Variants in PRKD1 observed in about 807,000 individuals in gnomAD.
PRKD1 encodes protein kinase D1.
In PRKD1, 63 loss-of-function variants were observed where a neutral mutation model predicts 95.9. The ratio of observed to expected loss-of-function variants is 0.66; its 90% confidence interval spans 0.54 to 0.81. The LOEUF (loss-of-function observed/expected upper bound fraction) is 0.81, where lower values mean the gene tolerates loss of function less well. PRKD1 is among the 30% of genes least tolerant of loss of function. The probability of loss-of-function intolerance (pLI) is 0.00; values close to 1 mark genes in which losing one functional copy is unlikely to be tolerated. For synonymous variants in PRKD1, 425 were observed against 423.1 expected (o/e 1.00, Z -0.05); for missense variants, 1,048 against 1,165.3 (o/e 0.90, Z 1.47).
At chr14:29,655,541 G>A (rs1305053336) in intron 4 of PRKD1, among the ~76,000 whole-genome samples, 1 of 152,044 alleles carries the variant, frequency 6.6e-6, no homozygotes, top group Non-Finnish European at 1.5e-5. Flanking sequence ...ATTGACCAAG[G>A]TATAGAAATA....
chr14:29,754,660 T>C (rs1218336143), intron 1 of PRKD1, among the ~76,000 whole-genome samples: 2 of 152,100 alleles, frequency 1.3e-5, no homozygotes, highest in African/African-American at 4.8e-5. Context: ...TTCTAAGTCC[T>C]TTATTCAATC....
At chr14:29,893,177 T>C (rs780034584) in intron 1 of PRKD1, among the ~76,000 whole-genome samples, 1 of 152,142 alleles carries the variant, frequency 6.6e-6, no homozygotes, top group South Asian at 2.1e-4. Context: ...ATATTTTCAT[T>C]TTCTAGTAGA....
chr14:29,602,264 G>A (rs1437225881), intron 13 of PRKD1, among the ~76,000 whole-genome samples: 1 of 152,018 alleles, frequency 6.6e-6, no homozygotes, highest in Non-Finnish European at 1.5e-5. Context: ...GCCCAGGGAG[G>A]GCAGGGGTCA....
intron 1 of PRKD1, among the ~76,000 whole-genome samples, chr14:29,743,070 T>A (rs574316988): frequency 1.3e-5 from 2 of 152,278 alleles, no homozygotes; most frequent in South Asian, 4.1e-4. Flanking sequence ...ATCACAAGAC[T>A]ATAAAGGAGT....
intron 1 of PRKD1, chr14:29,811,812 A>T (rs1890496067): frequency 6.6e-6 from 1 of 152,150 alleles, no homozygotes; most frequent in Admixed American, 6.5e-5. Context: ...ACAAATATAA[A>T]ATCAAGGATT....
chr14:29,882,923 T>A (rs934563416), intron 1 of PRKD1, among the ~76,000 whole-genome samples: 1 of 152,224 alleles, frequency 6.6e-6, no homozygotes, highest in Non-Finnish European at 1.5e-5. Flanking sequence ...CAATGGAACT[T>A]GGGTTGCTTC....
In PRKD1 at chr14:29,624,856, T is replaced by G. The variant is rs1045256875; in HGVS notation, c.1799-598A>C. Among the ~76,000 whole-genome samples the G allele has an allele frequency of 2.0e-5, 3 of 152,224 alleles. 1 individual carries two copies. The highest frequency in any genetic ancestry group is 4.4e-5 in the Non-Finnish European group (3 of 68,038). On this transcript the variant is annotated intron_variant, in intron 12 of 17. Coordinates refer to ENST00000331968, the MANE Select transcript of PRKD1 (RefSeq NM_002742.3). ...TCATCACCATATAATAGGCCCTTTA[T>G]GTATATTACACCTCATTTAACTACT...
At chr14:29,726,715 T>C (rs190690990) in intron 1 of PRKD1, among the ~76,000 whole-genome samples, 1 of 151,982 alleles carries the variant, frequency 6.6e-6, no homozygotes, top group African/African-American at 2.4e-5. Flanking sequence ...AATGAGAACA[T>C]CTTATTGCTC....
chr14:29,728,176 T>A (rs1456909571), intron 1 of PRKD1, among the ~76,000 whole-genome samples: 2 of 151,786 alleles, frequency 1.3e-5, no homozygotes, highest in African/African-American at 4.8e-5. Flanking sequence ...AAAAAAGAAA[T>A]ATCTCCAATA....
At chr14:29,888,333 G>A (rs915889347) in intron 1 of PRKD1, among the ~76,000 whole-genome samples, 3 of 151,066 alleles carry the variant, frequency 2.0e-5, no homozygotes, top group Non-Finnish European at 4.4e-5. Context: ...GAAAAGAAAG[G>A]AAAGAAAGAA....
intron 2 of PRKD1, among the ~76,000 whole-genome samples, chr14:29,703,368 T>C (rs939675722): frequency 3.3e-5 from 5 of 152,210 alleles, no homozygotes; most frequent in African/African-American, 1.2e-4. Context: ...AGGGCTGCTG[T>C]TTGGTAGGCA....
At chr14:29,849,171 A>G (rs1892199843) in intron 1 of PRKD1, among the ~76,000 whole-genome samples, 1 of 152,178 alleles carries the variant, frequency 6.6e-6, no homozygotes, top group Non-Finnish European at 1.5e-5. Context: ...TGCTGTTCTC[A>G]TGACAGAGTC....
intron 1 of PRKD1, among the ~76,000 whole-genome samples, chr14:29,790,243 C>A (rs1402890210): frequency 2.0e-5 from 3 of 151,896 alleles, no homozygotes; most frequent in African/African-American, 7.3e-5. Flanking sequence ...ATCTCTTGAC[C>A]TTGTGACCTG....
chr14:29,911,751 T>G (rs1009791983), intron 1 of PRKD1, among the ~76,000 whole-genome samples: 1 of 152,214 alleles, frequency 6.6e-6, no homozygotes, highest in Non-Finnish European at 1.5e-5. Context: ...TAAACAAAAA[T>G]TTATTATCTT....
intron 2 of PRKD1, among the ~76,000 whole-genome samples, chr14:29,686,098 G>A (rs901421716): frequency 6.6e-6 from 1 of 152,156 alleles, no homozygotes; most frequent in Non-Finnish European, 1.5e-5. Flanking sequence ...TTCTTTAATA[G>A]TTTTGTGAAA....
chr14:29,586,243 T>C (rs1361446859), intron 16 of PRKD1, among the ~76,000 whole-genome samples: 1 of 152,170 alleles, frequency 6.6e-6, no homozygotes, highest in Non-Finnish European at 1.5e-5. Context: ...CTCCATCTTG[T>C]TCAGTATCTG....
intron 1 of PRKD1, among the ~76,000 whole-genome samples, chr14:29,914,904 T>G (rs1894841722): frequency 2.0e-5 from 3 of 152,080 alleles, no homozygotes; most frequent in Non-Finnish European, 2.9e-5. Flanking sequence ...TTTTGTATTT[T>G]TAGTAGAGAC....
intron 2 of PRKD1, among the ~76,000 whole-genome samples, chr14:29,724,022 T>C (rs1319804613): frequency 4.6e-5 from 7 of 152,126 alleles, no homozygotes; most frequent in Non-Finnish European, 8.8e-5. Flanking sequence ...GCTGTTCTCA[T>C]GCAGCAAGGG....
chr14:29,904,646 T>C (rs534348843), intron 1 of PRKD1, among the ~76,000 whole-genome samples: 1 of 152,298 alleles, frequency 6.6e-6, no homozygotes, highest in East Asian at 1.9e-4. Context: ...CTATGAGAAG[T>C]GGATTCCTAC....
Sources: gnomAD v4.1 joint callset for allele counts (sites outside exome capture counted in the v4.1 genomes callset) on GRCh38, gnomAD v4.1.1 for gene constraint, MANE v1.5 for transcripts, NCBI Gene and HGNC (gene_info 2026-07-23, HGNC 2026-07-21) for gene names.